SPTBN1: variants seen among roughly 807,000 people sequenced by gnomAD.
The protein encoded by SPTBN1 is spectrin beta, non-erythrocytic 1, also known as spectrin beta chain, non-erythrocytic 1.
SPTBN1 carries 32 observed loss-of-function variants against 266.4 expected under a neutral mutation model. That is an observed-to-expected ratio of 0.12 (90% CI 0.09 to 0.16). The LOEUF (loss-of-function observed/expected upper bound fraction) is 0.16, where lower values mean the gene tolerates loss of function less well. Among genes scored for constraint, SPTBN1 ranks in the 10% least tolerant of loss-of-function variants. SPTBN1 has a pLI of 1.00. For synonymous variants in SPTBN1, 1,336 were observed against 1,162.2 expected (o/e 1.15, Z -3.04); for missense variants, 2,296 against 3,067.1 (o/e 0.75, Z 5.94).
intron 2 of SPTBN1, among the ~76,000 whole-genome samples, chr2:54,576,158 G>A (rs751765511): frequency 6.7e-6 from 1 of 148,660 alleles, no homozygotes; most frequent in Non-Finnish European, 1.5e-5. Context: ...GGGTTCAAGC[G>A]TTTCTCCTGC....
At chr2:54,545,848 G>T (rs561510026) in intron 2 of SPTBN1, among the ~76,000 whole-genome samples, 6 of 152,174 alleles carry the variant, frequency 3.9e-5, no homozygotes, top group African/African-American at 1.4e-4. Flanking sequence ...GCATGCTAAC[G>T]GGCTGTTGCT....
In SPTBN1 at chr2:54,588,606, A is replaced by T. The variant is rs1433685398; in HGVS notation, c.149-10486A>T. On this transcript the variant is annotated intron_variant, in intron 2 of 35. Transcript: ENST00000356805. Reference sequence around the variant, plus strand: ...CAGTTAGTTAGAAATCACAGGCTGTAATGAAGGAGGGAAAGTGAGTGAAGA... The same window carrying T: ...CAGTTAGTTAGAAATCACAGGCTGTTATGAAGGAGGGAAAGTGAGTGAAGA... Among the ~76,000 whole-genome samples, 11 of 152,142 alleles carry T rather than the reference A, an allele frequency of 7.2e-5. 1 individual carries two copies. Among genetic ancestry groups the T allele is most frequent in the Non-Finnish European group, 1.6e-4 (11 of 68,002 alleles).
intron 17 of SPTBN1, among the ~76,000 whole-genome samples, chr2:54,636,701 C>T (rs1329675262): frequency 1.3e-5 from 2 of 152,240 alleles, no homozygotes; most frequent in African/African-American, 2.4e-5. Flanking sequence ...CTTGTGCAGG[C>T]ACAGGCAGAG....
chr2:54,632,004 C>G (rs1678764870), intron 16 of SPTBN1, among the ~76,000 whole-genome samples: 1 of 149,286 alleles, frequency 6.7e-6, no homozygotes. Context: ...TTGAGCCCAG[C>G]AGGTCAAGGG....
intron 1 of SPTBN1, among the ~76,000 whole-genome samples, chr2:54,519,508 A>G (rs1416002892): frequency 6.6e-6 from 1 of 152,098 alleles, no homozygotes; most frequent in African/African-American, 2.4e-5. Context: ...GTTCCAGGTG[A>G]TAGGTTTGGA....
At chr2:54,468,945 A>G (rs542384438) in intron 1 of SPTBN1, among the ~76,000 whole-genome samples, 1 of 152,336 alleles carries the variant, frequency 6.6e-6, no homozygotes, top group African/African-American at 2.4e-5. Context: ...TTTAAGTGTA[A>G]TAAATTTTAC....
intron 2 of SPTBN1, among the ~76,000 whole-genome samples, chr2:54,594,833 C>CTTTTTTTTTTTTGTTTTTTTTTTTTTT (rs1675950052): frequency 9.5e-6 from 1 of 104,716 alleles, no homozygotes; most frequent in African/African-American, 5.1e-5. Context: ...TGGTAAGTTT[C>CTTTTTTTTTTTTGTTTTTTTTTTTTTT]TTTTTTTTTT....
At chr2:54,594,896 A>C (rs1050122285) in intron 2 of SPTBN1, among the ~76,000 whole-genome samples, 4 of 133,694 alleles carry the variant, frequency 3.0e-5, no homozygotes, top group Non-Finnish European at 4.5e-5. Context: ...GTGCAATGGC[A>C]CAATCTCGGC....
intron 2 of SPTBN1, among the ~76,000 whole-genome samples, chr2:54,536,232 T>C (rs548236794): frequency 6.6e-6 from 1 of 152,332 alleles, no homozygotes; most frequent in African/African-American, 2.4e-5. Context: ...AAGGTATAAA[T>C]TTAATTTATA....
chr2:54,483,619 G>T, intron 1 of SPTBN1, among the ~76,000 whole-genome samples: 1 of 152,158 alleles, frequency 6.6e-6, no homozygotes, highest in East Asian at 1.9e-4. Flanking sequence ...GATTTCTGTT[G>T]CTTTCTGTGA....
intron 3 of SPTBN1, among the ~76,000 whole-genome samples, chr2:54,600,866 C>T (rs754838026): frequency 3.3e-5 from 5 of 150,262 alleles, no homozygotes; most frequent in African/African-American, 7.4e-5. Context: ...GTCCAATCTT[C>T]TAGGCTGTAG....
chr2:54,604,884 A>T (rs1287752698), intron 3 of SPTBN1, among the ~76,000 whole-genome samples: 1 of 152,168 alleles, frequency 6.6e-6, no homozygotes, highest in Non-Finnish European at 1.5e-5. Flanking sequence ...TCCTCAGAGG[A>T]ACTGCTCTCT....
intron 1 of SPTBN1, among the ~76,000 whole-genome samples, chr2:54,509,302 G>A (rs745654161): frequency 6.6e-6 from 1 of 152,178 alleles, no homozygotes; most frequent in African/African-American, 2.4e-5. Context: ...ATTGAAGTCC[G>A]GGCCAGGAAC....
intron 3 of SPTBN1, among the ~76,000 whole-genome samples, chr2:54,600,905 A>G (rs535689365): frequency 1.1e-4 from 17 of 152,038 alleles, no homozygotes; most frequent in African/African-American, 3.6e-4. Context: ...TTAAAGACCC[A>G]TAATTATTTT....
At chr2:54,494,333 A>C (rs1449370846) in intron 1 of SPTBN1, among the ~76,000 whole-genome samples, 3 of 152,224 alleles carry the variant, frequency 2.0e-5, no homozygotes, top group Non-Finnish European at 2.9e-5. Context: ...TTTTTTTAAC[A>C]AATTACAGTA....
chr2:54,469,981 T>G (rs1166379398), intron 1 of SPTBN1, among the ~76,000 whole-genome samples: 2 of 152,204 alleles, frequency 1.3e-5, no homozygotes, highest in Admixed American at 6.5e-5. Context: ...ATTCTCTGTT[T>G]CAAAGGTAGG....
intron 1 of SPTBN1, among the ~76,000 whole-genome samples, chr2:54,506,160 T>TAAATAAATAAAA (rs1553436240): frequency 7.3e-6 from 1 of 136,916 alleles, no homozygotes; most frequent in Non-Finnish European, 1.6e-5. Context: ...AATAAATAAA[T>TAAATAAATAAAA]AAAATCTGAA....
chr2:54,646,436 C>T lies in SPTBN1; in HGVS notation c.4827C>T (p.Ser1609=), dbSNP rs1174172759. Reference sequence around the variant, plus strand: ...CTGCTGAGGCCGAAGCCTGGATGAGCGAGCAGGAGCTGTACATGATGTCAG... The same window carrying T: ...CTGCTGAGGCCGAAGCCTGGATGAGTGAGCAGGAGCTGTACATGATGTCAG... ...FDAAEAEAWM[S]EQELYMMSEE... The change falls in exon 23 of 36, where the codon AGC becomes AGT. Residue 1609 remains serine, a synonymous_variant. Transcript: ENST00000356805. This position sits in a 1 kb window ranked among gnomAD's most constrained non-coding sequence, Gnocchi z 4.4. The T allele has an allele frequency of 3.2e-6, 5 of 1,580,122 alleles. No individual in the cohort carries two copies. Among genetic ancestry groups the T allele is most frequent in the Admixed American group, 1.8e-5 (1 of 54,398 alleles).
At chr2:54,561,817 G>A (rs918871649) in intron 2 of SPTBN1, among the ~76,000 whole-genome samples, 10 of 141,128 alleles carry the variant, frequency 7.1e-5, no homozygotes, top group Admixed American at 1.4e-4. Flanking sequence ...AGTTTATAGA[G>A]ATTTATGGTT....
Sources: allele counts gnomAD v4.1 joint callset (sites outside exome capture counted in the v4.1 genomes callset), GRCh38; gene constraint gnomAD v4.1.1; non-coding constraint Gnocchi (gnomAD v3.1); transcripts MANE v1.5; gene names NCBI Gene and HGNC (gene_info 2026-07-23, HGNC 2026-07-21).